The following PRICKLE1 variants were observed in gnomAD, a reference collection of about 807,000 sequenced individuals.
PRICKLE1 encodes the protein prickle planar cell polarity protein 1.
Under a neutral mutation model 70.2 loss-of-function variants are expected in PRICKLE1, and 14 were observed. The ratio of observed to expected loss-of-function variants is 0.20; its 90% CI spans 0.13 to 0.31. PRICKLE1 has a LOEUF of 0.31. Among genes scored for constraint, PRICKLE1 ranks in the 10% least tolerant of loss-of-function variants. PRICKLE1 has a pLI of 1.00. For missense variants in PRICKLE1, 821 were observed against 1,026.2 expected (o/e 0.80, Z 2.73); for synonymous variants, 357 against 379.9 (o/e 0.94, Z 0.70).
intron 2 of PRICKLE1, among the ~76,000 whole-genome samples, chr12:42,471,640 A>C (rs1314944056): frequency 6.6e-6 from 1 of 152,222 alleles, no homozygotes. Flanking sequence ...CCCACCCTAC[A>C]GGAAACAGAA....
rs545139025 is a variant in PRICKLE1, at chr12:42,495,747, C to A, written c.-48-23183G>T. Among the ~76,000 whole-genome samples the A allele has an allele frequency of 6.0e-5, 9 of 151,216 alleles. No homozygotes were observed. The South Asian group carries it at 1.5e-3, about 25-fold the overall frequency. ...GGGACTACAGGCACGTGCCACCACGCCCTGCTAATTTTTTTTTTGTATTTT... is the reference window on the plus strand; with the variant it reads ...GGGACTACAGGCACGTGCCACCACGACCTGCTAATTTTTTTTTTGTATTTT... On this transcript the variant is annotated intron_variant, in intron 1 of 7. Transcript: ENST00000345127.
At chr12:42,585,252 G>A (rs1940968750) in intron 1 of PRICKLE1, among the ~76,000 whole-genome samples, 1 of 152,158 alleles carries the variant, frequency 6.6e-6, no homozygotes, top group African/African-American at 2.4e-5. Flanking sequence ...GTTTACATTG[G>A]CTTCTGCCTG....
chr12:42,472,092 G>A (rs546507413), intron 2 of PRICKLE1, among the ~76,000 whole-genome samples: 3 of 152,226 alleles, frequency 2.0e-5, no homozygotes, highest in South Asian at 2.1e-4. Context: ...GGATTCATCC[G>A]AAATACACAT....
intron 1 of PRICKLE1, among the ~76,000 whole-genome samples, chr12:42,473,264 T>C (rs1051377664): frequency 3.3e-5 from 5 of 152,202 alleles, no homozygotes; most frequent in Admixed American, 3.3e-4. Context: ...TACAGTACTA[T>C]GTGAAAATAA....
At chr12:42,484,325 T>C (rs1938929753) in intron 1 of PRICKLE1, 1 of 152,102 alleles carries the variant, frequency 6.6e-6, no homozygotes, top group Non-Finnish European at 1.5e-5. Flanking sequence ...GCCGCTAAGA[T>C]GCAAATACCC....
intron 1 of PRICKLE1, among the ~76,000 whole-genome samples, chr12:42,532,704 T>C (rs1939940922): frequency 6.6e-6 from 1 of 152,044 alleles, no homozygotes. Context: ...GAGACCATCC[T>C]GGCTAACACG....
At chr12:42,526,557 G>A (rs917095751) in intron 1 of PRICKLE1, among the ~76,000 whole-genome samples, 1 of 152,130 alleles carries the variant, frequency 6.6e-6, no homozygotes, top group Non-Finnish European at 1.5e-5. Context: ...GAGAGGTTCT[G>A]TGTGGCTGAG....
chr12:42,562,477 G>A (rs1049800465), intron 1 of PRICKLE1, among the ~76,000 whole-genome samples: 2 of 152,084 alleles, frequency 1.3e-5, no homozygotes, highest in African/African-American at 4.8e-5. Context: ...TGTATTGAAA[G>A]CAGCTGATAA....
intron 1 of PRICKLE1, among the ~76,000 whole-genome samples, chr12:42,541,907 A>G (rs1406955484): frequency 6.6e-6 from 1 of 152,206 alleles, no homozygotes; most frequent in Non-Finnish European, 1.5e-5. Flanking sequence ...CCCTCTAGCC[A>G]TAGGGTTCAG....
At chr12:42,495,152 TGAGTTCAA>T in intron 1 of PRICKLE1, among the ~76,000 whole-genome samples, 1 of 151,776 alleles carries the variant, frequency 6.6e-6, no homozygotes, top group Non-Finnish European at 1.5e-5. Context: ...GTGGATTACT[TGAGTTCAA>T]GAGTTCGAGA....
At chr12:42,546,123 T>C (rs2600932) in intron 1 of PRICKLE1, among the ~76,000 whole-genome samples, 6,372 of 152,152 alleles carry the variant, frequency 0.042, 170 homozygotes, top group Middle Eastern at 0.065. Flanking sequence ...TTCAGACCTT[T>C]GCCTTGTAGA....
intron 1 of PRICKLE1, chr12:42,484,092 C>T (rs1305736020): frequency 2.0e-5 from 3 of 150,620 alleles, no homozygotes; most frequent in East Asian, 2.0e-4. Flanking sequence ...CGATCCCAGC[C>T]GGACCCAGCT....
At chr12:42,523,990 T>G (rs1466669682) in intron 1 of PRICKLE1, among the ~76,000 whole-genome samples, 1 of 152,222 alleles carries the variant, frequency 6.6e-6, no homozygotes, top group African/African-American at 2.4e-5. Context: ...CCCTAAACAT[T>G]CTTTCCTCTG....
intron 5 of PRICKLE1, 101 bp from the exon 6 acceptor site, chr12:42,466,481 G>T: frequency 9.9e-7 from 1 of 1,013,294 alleles, no homozygotes; most frequent in Non-Finnish European, 1.5e-6. Flanking sequence ...ACAGACACTG[G>T]CTCTTAAAAA....
At position 42,456,829 on chromosome 12, in the gene PRICKLE1, G is replaced by GTAGA. The variant is rs1365134245; in HGVS notation, c.*2976_*2979dup. On this transcript the variant is annotated 3_prime_UTR_variant, in exon 8 of 8. Coordinates refer to ENST00000345127, the MANE Select transcript of PRICKLE1 (RefSeq NM_153026.3). Reference sequence around the variant, plus strand: ...AAGGCAGTTGCTTCTTTCTTCCGTTGTAGATAGTCTTCTGTTATTGCTACA... The same window carrying GTAGA: ...AAGGCAGTTGCTTCTTTCTTCCGTTGTAGATAGATAGTCTTCTGTTATTGCTACA... 2.6e-5 allele frequency: 4 copies of GTAGA among 152,132 alleles called. 1 individual carries two copies. The South Asian group carries it at 6.2e-4, about 24-fold the overall frequency. 9.4% of individuals were successfully genotyped at this position (152,132 alleles called of 1,614,324 possible).
intron 1 of PRICKLE1, among the ~76,000 whole-genome samples, chr12:42,538,873 C>T (rs1940059993): frequency 6.6e-6 from 1 of 152,016 alleles, no homozygotes; most frequent in Admixed American, 6.6e-5. Flanking sequence ...TTTCTTGTTT[C>T]TTTTTTAAAG....
intron 1 of PRICKLE1, among the ~76,000 whole-genome samples, chr12:42,538,161 T>G (rs1202600453): frequency 1.3e-5 from 2 of 152,124 alleles, no homozygotes; most frequent in Admixed American, 1.3e-4. Context: ...AATATATATA[T>G]CCAGTGCTCT....
At chr12:42,502,099 GA>G (rs1939321534) in intron 1 of PRICKLE1, among the ~76,000 whole-genome samples, 1 of 151,998 alleles carries the variant, frequency 6.6e-6, no homozygotes, top group East Asian at 1.9e-4. Context: ...TTTTGTCTCA[GA>G]AGGGTAAATA....
intron 1 of PRICKLE1, among the ~76,000 whole-genome samples, chr12:42,474,165 G>A (rs113281167): frequency 0.07 from 10,711 of 152,136 alleles, 400 homozygotes; most frequent in Middle Eastern, 0.092. Flanking sequence ...CCAGCTACTC[G>A]GGAGGCTGAG....
Sources: gnomAD v4.1 joint callset for allele counts (sites outside exome capture counted in the v4.1 genomes callset) on GRCh38, gnomAD v4.1.1 for gene constraint, MANE v1.5 for transcripts, NCBI Gene and HGNC (gene_info 2026-07-23, HGNC 2026-07-21) for gene names.